CD247: variants seen among roughly 807,000 people sequenced by gnomAD.
CD247 encodes T-cell surface glycoprotein CD3 zeta chain.
Under a neutral mutation model 30.0 loss-of-function variants are expected in CD247, and 13 were observed. The ratio of observed to expected loss-of-function variants is 0.43; its 90% confidence interval spans 0.28 to 0.69. The LOEUF is 0.69. Among genes scored for constraint, CD247 ranks in the 30% least tolerant of loss-of-function variants. The pLI is 0.16. For synonymous variants in CD247, 72 were observed against 80.0 expected (o/e 0.90, Z 0.53); for missense variants, 193 against 212.6 (o/e 0.91, Z 0.57).
chr1:167,483,594 C>T (rs1654066991), intron 1 of CD247, among the ~76,000 whole-genome samples: 1 of 152,226 alleles, frequency 6.6e-6, no homozygotes, highest in African/African-American at 2.4e-5. Flanking sequence ...AGGCCACACT[C>T]TCCCCATCTC....
At chr1:167,509,571 A>C (rs1655300322) in intron 1 of CD247, among the ~76,000 whole-genome samples, 1 of 152,034 alleles carries the variant, frequency 6.6e-6, no homozygotes, top group Non-Finnish European at 1.5e-5. Context: ...AACTGGTGAG[A>C]ATTTGGGGAG....
chr1:167,434,264 C>T lies in CD247; in HGVS notation c.337-188G>A, dbSNP rs191531479. On this transcript the variant is annotated intron_variant, in intron 5 of 7. Coordinates refer to ENST00000362089, the MANE Select transcript of CD247 (RefSeq NM_198053.3). Reference sequence around the variant, plus strand: ...CCACAACCAGCTCCAGCCCACCCCCCTCATCCTCAGCCCTTTGGAGTCTCC... The same window carrying T: ...CCACAACCAGCTCCAGCCCACCCCCTTCATCCTCAGCCCTTTGGAGTCTCC... The T allele has an allele frequency of 7.9e-4, 520 of 655,564 alleles. 2 individuals carry two copies. Among genetic ancestry groups the T allele is most frequent in the Middle Eastern group, 4.8e-3 (17 of 3,514 alleles). 40.6% of individuals were successfully genotyped at this position (655,564 alleles called of 1,614,324 possible).
In CD247 at chr1:167,437,266, G is replaced by A. The variant is rs140364912; in HGVS notation, c.300+1304C>T. ...AAAAAAACTACAAAATTAGCCAAGCGTGGTGGCGCATGCCTGTAATCCCAG... is the reference window on the plus strand; with the variant it reads ...AAAAAAACTACAAAATTAGCCAAGCATGGTGGCGCATGCCTGTAATCCCAG... On this transcript the variant is annotated intron_variant, in intron 4 of 7. Transcript: ENST00000362089. Among the ~76,000 whole-genome samples the A allele has an allele frequency of 2.9e-3, 440 of 152,168 alleles. 1 individual carries two copies. Among genetic ancestry groups the A allele is most frequent in the African/African-American group, 9.1e-3 (376 of 41,512 alleles).
chr1:167,469,672 T>C (rs1249752178), intron 1 of CD247, among the ~76,000 whole-genome samples: 2 of 152,126 alleles, frequency 1.3e-5, no homozygotes, highest in African/African-American at 4.8e-5. Flanking sequence ...GAGTGAGAGA[T>C]AAAGGAAAGT....
At chr1:167,457,199 C>T (rs1218123906) in intron 1 of CD247, among the ~76,000 whole-genome samples, 2 of 152,132 alleles carry the variant, frequency 1.3e-5, no homozygotes, top group African/African-American at 4.8e-5. Flanking sequence ...TGCTTTTGCT[C>T]CTGGAATGGA....
In CD247 at chr1:167,461,625, G is replaced by A. The variant is rs561068612; in HGVS notation, c.59-20858C>T. Among the ~76,000 whole-genome samples, 11 of 152,286 alleles carry A rather than the reference G, an allele frequency of 7.2e-5. No homozygotes were observed. The South Asian group carries it at 2.1e-3, about 29-fold the overall frequency. On this transcript the variant is annotated intron_variant, in intron 1 of 7. Transcript: ENST00000362089. ...AGCACTTTAGGAGGCCCAGGCGGGCGGATCACAAGATCAGGAGTTCGAGAC... is the reference window on the plus strand; with the variant it reads ...AGCACTTTAGGAGGCCCAGGCGGGCAGATCACAAGATCAGGAGTTCGAGAC...
chr1:167,486,589 T>C lies in CD247; in HGVS notation c.58+31819A>G, dbSNP rs111570874. ...TAGCATGATTTGGCAGGCATGCCAC[T>C]GACGGCAAGCAGATCTGTTTCCCAC... is the stretch of plus-strand genomic sequence containing the variant. On this transcript the variant is annotated intron_variant, in intron 1 of 7. Transcript: ENST00000362089. Among the ~76,000 whole-genome samples, 1,133 of 152,374 alleles carry C rather than the reference T, an allele frequency of 7.4e-3. 15 individuals carry two copies. The highest frequency in any genetic ancestry group is 0.026 in the African/African-American group (1,071 of 41,590).
intron 1 of CD247, among the ~76,000 whole-genome samples, chr1:167,493,765 C>G (rs1010208566): frequency 3.5e-4 from 54 of 152,296 alleles, no homozygotes; most frequent in African/African-American, 1.3e-3. Flanking sequence ...GGCCCCACAG[C>G]TAGTTAGGGG....
At chr1:167,478,030 C>T (rs1653822093) in intron 1 of CD247, among the ~76,000 whole-genome samples, 1 of 152,198 alleles carries the variant, frequency 6.6e-6, no homozygotes, top group South Asian at 2.1e-4. Flanking sequence ...GAGCTAAAGC[C>T]CTTGGCAACT....
chr1:167,440,828 C>A, intron 1 of CD247, 61 bp from the exon 2 acceptor site: 1 of 1,054,336 alleles, frequency 9.5e-7, no homozygotes, highest in Non-Finnish European at 1.5e-6. Context: ...ATCCCCATTA[C>A]CCCAGGGTGG....
chr1:167,490,228 C>T (rs1451872726), intron 1 of CD247, among the ~76,000 whole-genome samples: 1 of 152,238 alleles, frequency 6.6e-6, no homozygotes, highest in Non-Finnish European at 1.5e-5. Flanking sequence ...CAGACTCTGC[C>T]TGCAAAGCTT....
intron 1 of CD247, among the ~76,000 whole-genome samples, chr1:167,507,671 A>G (rs1655202443): frequency 6.6e-6 from 1 of 152,076 alleles, no homozygotes; most frequent in African/African-American, 2.4e-5. Flanking sequence ...ACCTGTATCT[A>G]CAAAAAAAGA....
At chr1:167,467,055 GTC>G (rs1326803427) in intron 1 of CD247, among the ~76,000 whole-genome samples, 1 of 151,986 alleles carries the variant, frequency 6.6e-6, no homozygotes, top group Non-Finnish European at 1.5e-5. Context: ...AGCCAGGATG[GTC>G]TCGATTTCCT....
chr1:167,475,410 A>T lies in CD247; in HGVS notation c.59-34643T>A, dbSNP rs116997488. Among the ~76,000 whole-genome samples, 10 of 152,322 alleles carry T rather than the reference A, an allele frequency of 6.6e-5. No homozygotes were observed. In the South Asian group the frequency reaches 1.5e-3, roughly 22 times the overall value. On this transcript the variant is annotated intron_variant, in intron 1 of 7. Coordinates refer to ENST00000362089, the MANE Select transcript of CD247 (RefSeq NM_198053.3). ...ATTATAAATAAAGGGAAGAAATCGAACACTTATCCTGGGCATTTATCAGGG... is the reference window on the plus strand; with the variant it reads ...ATTATAAATAAAGGGAAGAAATCGATCACTTATCCTGGGCATTTATCAGGG...
In CD247 at chr1:167,518,459, A is replaced by G; in HGVS notation, c.7T>C (p.Trp3Arg). The change falls in exon 1 of 8, where the codon TGG (tryptophan) becomes CGG (arginine). Residue 3 changes from tryptophan (W) to arginine (R), a missense_variant. Physicochemically the swap from Trp to Arg is moderately radical, Grantham distance 101 (BLOSUM62 -3). Transcript: ENST00000362089. MK[W>R]KALFTAAILQ... ...ATGGCCGCGGTGAAAAGCGCCTTCC[A>G]CTTCATCTTGTCCTTTCCCTCAGAA... 6.2e-7 allele frequency: 1 copy of G among 1,614,010 alleles called. No individual in the cohort carries two copies. The highest frequency in any genetic ancestry group is 8.5e-7 in the Non-Finnish European group (1 of 1,179,986).
intron 1 of CD247, among the ~76,000 whole-genome samples, chr1:167,512,899 G>T (rs2102122748): frequency 6.6e-6 from 1 of 152,352 alleles, no homozygotes; most frequent in South Asian, 2.1e-4. Context: ...AAGGCTTGGA[G>T]ATGGTAACAG....
intron 1 of CD247, among the ~76,000 whole-genome samples, chr1:167,484,439 G>A (rs888560058): frequency 5.9e-5 from 9 of 152,304 alleles, no homozygotes; most frequent in Admixed American, 3.3e-4. Context: ...AGTTTCTGGA[G>A]GAGGAGGAGG....
At chr1:167,480,809 T>A (rs1653942498) in intron 1 of CD247, among the ~76,000 whole-genome samples, 1 of 152,260 alleles carries the variant, frequency 6.6e-6, no homozygotes, top group Non-Finnish European at 1.5e-5. Context: ...TGGTTACAAG[T>A]AATTCATTTA....
chr1:167,500,191 C>T lies in CD247; in HGVS notation c.58+18217G>A, dbSNP rs182782443. Among the ~76,000 whole-genome samples, 6 of 152,312 alleles carry T rather than the reference C, an allele frequency of 3.9e-5. No homozygotes were observed. In the East Asian group the frequency reaches 1.2e-3, roughly 29 times the overall value. On this transcript the variant is annotated intron_variant, in intron 1 of 7. Coordinates refer to ENST00000362089, the MANE Select transcript of CD247 (RefSeq NM_198053.3). The stretch of plus-strand genomic sequence containing the variant: ...TATTGCTTCCAAGAGGACAATATAT[C>T]GCACTAAAATGAGAATGCTCAGGAT...
Sources: allele counts gnomAD v4.1 joint callset (sites outside exome capture counted in the v4.1 genomes callset), GRCh38; gene constraint gnomAD v4.1.1; transcripts MANE v1.5; gene names NCBI Gene and HGNC (gene_info 2026-07-23, HGNC 2026-07-21).